CBLB: variants seen among roughly 807,000 people sequenced by gnomAD.
The protein encoded by CBLB is Cbl proto-oncogene B, also known as E3 ubiquitin-protein ligase CBL-B.
CBLB carries 31 observed loss-of-function variants against 104.9 expected under a neutral mutation model. The observed-to-expected ratio is 0.30, with a 90% CI of 0.22 to 0.40. The LOEUF (loss-of-function observed/expected upper bound fraction) is 0.40, where lower values mean the gene tolerates loss of function less well. CBLB is among the 10% of genes least tolerant of loss of function. The probability of loss-of-function intolerance (pLI) is 1.00; values close to 1 mark genes in which losing one functional copy is unlikely to be tolerated. For missense variants in CBLB, 1,062 were observed against 1,214.6 expected, an observed-to-expected ratio of 0.87 and a Z score of 1.87; for synonymous variants, 440 against 422.6, an observed-to-expected ratio of 1.04 and a Z score of -0.51.
At chr3:105,815,221 T>C (rs139112325) in intron 3 of CBLB, among the ~76,000 whole-genome samples, 537 of 152,254 alleles carry the variant, frequency 3.5e-3, no homozygotes, top group Admixed American at 6.6e-3. Flanking sequence ...GATTTAAATC[T>C]ACAAAAAATG....
chr3:105,721,776 T>A (rs1349472300), intron 9 of CBLB, among the ~76,000 whole-genome samples: 1 of 152,156 alleles, frequency 6.6e-6, no homozygotes, highest in Non-Finnish European at 1.5e-5. Context: ...GCAATGATAT[T>A]TTCTAACACA....
chr3:105,744,812 C>G (rs1452715264), intron 6 of CBLB, among the ~76,000 whole-genome samples: 2 of 152,100 alleles, frequency 1.3e-5, no homozygotes, highest in African/African-American at 4.8e-5. Flanking sequence ...CACCTGTAAT[C>G]CCAGCTACTT....
intron 2 of CBLB, among the ~76,000 whole-genome samples, chr3:105,858,224 G>A (rs557088868): frequency 6.6e-6 from 1 of 152,292 alleles, no homozygotes; most frequent in African/African-American, 2.4e-5. Context: ...CAGTTCATCA[G>A]TTGGATTACT....
intron 14 of CBLB, among the ~76,000 whole-genome samples, chr3:105,683,475 C>T (rs1169100091): frequency 6.6e-6 from 1 of 151,970 alleles, no homozygotes; most frequent in Non-Finnish European, 1.5e-5. Flanking sequence ...GATTTGGGAG[C>T]TCTGCCACAA....
At chr3:105,724,860 T>C (rs1253781460) in intron 9 of CBLB, among the ~76,000 whole-genome samples, 1 of 152,142 alleles carries the variant, frequency 6.6e-6, no homozygotes, top group Non-Finnish European at 1.5e-5. Flanking sequence ...ACAATTATTG[T>C]TCCCCAACAA....
At chr3:105,811,503 C>T in intron 3 of CBLB, among the ~76,000 whole-genome samples, 1 of 152,138 alleles carries the variant, frequency 6.6e-6, no homozygotes. Flanking sequence ...CAAATCAATG[C>T]ATGCATAACT....
chr3:105,703,887 T>G, intron 11 of CBLB, 101 bp downstream of exon 11: 1 of 1,121,742 alleles, frequency 8.9e-7, no homozygotes, highest in Admixed American at 2.0e-5. Context: ...TTATTCACAA[T>G]TAAAAGCAAA....
At position 105,661,454 on chromosome 3, in the gene CBLB, C is replaced by T. The variant is rs899815848; in HGVS notation, c.2690-2225G>A. Among the ~76,000 whole-genome samples, 3 of 152,152 alleles carry T rather than the reference C, an allele frequency of 2.0e-5. No individual in the cohort carries two copies. In the East Asian group the frequency reaches 5.8e-4, roughly 29 times the overall value. On this transcript the variant is annotated intron_variant, in intron 18 of 18. Coordinates refer to ENST00000394030, the MANE Select transcript of CBLB (RefSeq NM_170662.5). ...TTAATCAATTACCAAAAAATTCATA[C>T]ATTTAAATCATGTCTGTTCTGAGAC...
chr3:105,753,845 C>T (rs1190277684), intron 4 of CBLB, among the ~76,000 whole-genome samples: 2 of 152,012 alleles, frequency 1.3e-5, no homozygotes, highest in Non-Finnish European at 2.9e-5. Flanking sequence ...GCCAGTTATA[C>T]GAGATGTATG....
At chr3:105,787,418 C>T (rs59117962) in intron 3 of CBLB, among the ~76,000 whole-genome samples, 2,951 of 152,228 alleles carry the variant, frequency 0.019, 96 homozygotes, top group African/African-American at 0.062. Context: ...AGAGTGAAAG[C>T]TTCTCTTATC....
At chr3:105,798,573 T>C (rs1443132212) in intron 3 of CBLB, among the ~76,000 whole-genome samples, 1 of 152,078 alleles carries the variant, frequency 6.6e-6, no homozygotes. Flanking sequence ...ACAACAGAAA[T>C]AGAAATGCTA....
chr3:105,796,997 A>G (rs1323409494), intron 3 of CBLB, among the ~76,000 whole-genome samples: 1 of 152,192 alleles, frequency 6.6e-6, no homozygotes, highest in Non-Finnish European at 1.5e-5. Flanking sequence ...TAGGAGTGTA[A>G]ATTAGTTCAG....
intron 2 of CBLB, among the ~76,000 whole-genome samples, chr3:105,859,611 T>C (rs6805573): frequency 0.98 from 145,917 of 148,716 alleles, 71,649 homozygotes; most frequent in East Asian, 1. Context: ...GCCGAGATCG[T>C]GCCACTGCAC....
intron 11 of CBLB, 81 bp downstream of exon 11, chr3:105,703,907 G>A: frequency 7.6e-7 from 1 of 1,309,682 alleles, no homozygotes; most frequent in African/African-American, 1.5e-5. Context: ...AAAAATATGA[G>A]TAATGGAATT....
intron 3 of CBLB, among the ~76,000 whole-genome samples, chr3:105,831,896 A>G (rs2087584832): frequency 6.6e-6 from 1 of 151,852 alleles, no homozygotes; most frequent in Non-Finnish European, 1.5e-5. Context: ...GTCACACATT[A>G]TGTTTTTTAA....
intron 13 of CBLB, among the ~76,000 whole-genome samples, chr3:105,692,969 A>G (rs1469729836): frequency 6.6e-6 from 1 of 151,286 alleles, no homozygotes; most frequent in East Asian, 1.9e-4. Context: ...CTCTCCGATC[A>G]TAAGAGATTA....
At position 105,658,712 on chromosome 3, in the gene CBLB, G is replaced by T; in HGVS notation, c.*258C>A. On this transcript the variant is annotated 3_prime_UTR_variant, in exon 19 of 19. Coordinates refer to ENST00000394030, the MANE Select transcript of CBLB (RefSeq NM_170662.5). ...GCATTTCACAGGTTCAAAGTTCAAGGGAAGTAAACGTCTTTAAATTATTTT... is the reference window on the plus strand; with the variant it reads ...GCATTTCACAGGTTCAAAGTTCAAGTGAAGTAAACGTCTTTAAATTATTTT... 1 of 525,128 alleles carries T rather than the reference G, an allele frequency of 1.9e-6. No individual in the cohort carries two copies. Among genetic ancestry groups the T allele is most frequent in the Non-Finnish European group, 3.4e-6 (1 of 293,878 alleles). 32.5% of individuals were successfully genotyped at this position (525,128 alleles called of 1,614,324 possible).
intron 3 of CBLB, among the ~76,000 whole-genome samples, chr3:105,804,336 T>C (rs2083251119): frequency 6.7e-6 from 1 of 149,830 alleles, no homozygotes; most frequent in African/African-American, 2.5e-5. Context: ...CTGGGCAAGA[T>C]GGTGAAACAC....
At position 105,659,108 on chromosome 3, in the gene CBLB, T is replaced by G; in HGVS notation, c.2811A>C (p.Ala937=). 4 of 1,614,044 alleles carry G rather than the reference T, an allele frequency of 2.5e-6. No homozygotes were observed. The highest frequency in any genetic ancestry group is 3.4e-6 in the Non-Finnish European group (4 of 1,179,942). Residue 937 remains alanine, a synonymous_variant, in exon 19 of 19, where the codon GCA becomes GCC. Coordinates refer to ENST00000394030, the MANE Select transcript of CBLB (RefSeq NM_170662.5). ...AALENVDAKI[A]KLMGEGYAFE... ...AGGCATAACCCTCTCCCATGAGTTTTGCAATTTTTGCATCGACATTTTCCA... is the reference window on the plus strand; with the variant it reads ...AGGCATAACCCTCTCCCATGAGTTTGGCAATTTTTGCATCGACATTTTCCA...
Sources: allele counts gnomAD v4.1 joint callset (sites outside exome capture counted in the v4.1 genomes callset), GRCh38; gene constraint gnomAD v4.1.1; transcripts MANE v1.5; gene names NCBI Gene and HGNC (gene_info 2026-07-23, HGNC 2026-07-21).